Variants in NELL1 observed in about 807,000 individuals in gnomAD.
The protein encoded by NELL1 is protein kinase C-binding protein NELL1.
Under a neutral mutation model 107.4 loss-of-function variants are expected in NELL1, and 76 were observed. The observed-to-expected ratio is 0.71, with a 90% CI of 0.59 to 0.86. The LOEUF (loss-of-function observed/expected upper bound fraction) is 0.86. Ranked by LOEUF, NELL1 falls within the 40% of genes least tolerant of loss-of-function variation. The pLI is 0.00. For missense variants in NELL1, 1,024 were observed against 1,005.5 expected, an observed-to-expected ratio of 1.02 and a Z score of -0.25; for synonymous variants, 353 against 341.2, an observed-to-expected ratio of 1.03 and a Z score of -0.38.
At chr11:20,967,414 G>A (rs989390839) in intron 12 of NELL1, among the ~76,000 whole-genome samples, 37 of 152,034 alleles carry the variant, frequency 2.4e-4, no homozygotes, top group African/African-American at 8.7e-4. Flanking sequence ...GTAGCACCAC[G>A]ATCTTCATGT....
intron 2 of NELL1, among the ~76,000 whole-genome samples, chr11:20,778,607 G>T (rs1219576371): frequency 6.9e-6 from 1 of 145,598 alleles, no homozygotes; most frequent in Admixed American, 7.3e-5. Flanking sequence ...GAAAGAAAAA[G>T]CACTTCACTC....
chr11:20,767,105 T>G (rs1443794474), intron 2 of NELL1, among the ~76,000 whole-genome samples: 4 of 152,124 alleles, frequency 2.6e-5, no homozygotes, highest in Non-Finnish European at 5.9e-5. Flanking sequence ...GCCACTGTCC[T>G]GGTGTGTCTG....
chr11:21,170,490 C>G (rs895769581), intron 13 of NELL1, among the ~76,000 whole-genome samples: 1 of 151,776 alleles, frequency 6.6e-6, no homozygotes, highest in Admixed American at 6.6e-5. Context: ...GCTATTTTTC[C>G]TCCAAAAAAA....
intron 12 of NELL1, among the ~76,000 whole-genome samples, chr11:21,087,685 G>A (rs12416999): frequency 0.21 from 31,490 of 152,042 alleles, 3,434 homozygotes; most frequent in Middle Eastern, 0.32. Flanking sequence ...GAGTCCAGGC[G>A]AATTGTTTCC....
intron 12 of NELL1, among the ~76,000 whole-genome samples, chr11:21,059,840 A>T (rs1259671801): frequency 2.0e-5 from 3 of 152,218 alleles, no homozygotes; most frequent in Non-Finnish European, 4.4e-5. Context: ...AATTAAAAAA[A>T]TCAGTTCATC....
intron 13 of NELL1, among the ~76,000 whole-genome samples, chr11:21,133,319 C>T (rs1565076290): frequency 6.6e-6 from 1 of 152,074 alleles, no homozygotes; most frequent in East Asian, 1.9e-4. Flanking sequence ...GATAAAGCAC[C>T]GAAAGTTTTC....
intron 14 of NELL1, among the ~76,000 whole-genome samples, chr11:21,246,330 C>T (rs779693004): frequency 2.6e-5 from 4 of 152,072 alleles, no homozygotes; most frequent in Admixed American, 2.0e-4. Flanking sequence ...GTTTATGTAA[C>T]ACTGAAATTG....
intron 15 of NELL1, among the ~76,000 whole-genome samples, chr11:21,402,368 A>G (rs1852118803): frequency 6.6e-6 from 1 of 151,798 alleles, no homozygotes; most frequent in South Asian, 2.1e-4. Flanking sequence ...CAAGAGACCC[A>G]CCCATAATAT....
At chr11:21,220,594 T>C (rs1857730925) in intron 13 of NELL1, among the ~76,000 whole-genome samples, 1 of 152,152 alleles carries the variant, frequency 6.6e-6, no homozygotes, top group Non-Finnish European at 1.5e-5. Context: ...CTCACCTCCT[T>C]GGTTAAATTT....
intron 13 of NELL1, among the ~76,000 whole-genome samples, chr11:21,216,877 CAAGGCATGATTGTATTTTGAAATGAG>C (rs1374501912): frequency 2.0e-5 from 3 of 152,088 alleles, no homozygotes; most frequent in Admixed American, 6.6e-5. Flanking sequence ...GGACTGTTGG[CAAGGCATGATTGTATTTTGAAATGAG>C]AAGGCATGAG....
At chr11:21,008,753 A>G (rs1407134988) in intron 12 of NELL1, among the ~76,000 whole-genome samples, 1 of 152,142 alleles carries the variant, frequency 6.6e-6, no homozygotes, top group Non-Finnish European at 1.5e-5. Context: ...GGTCTGGGGC[A>G]GAGATAACTT....
intron 15 of NELL1, among the ~76,000 whole-genome samples, chr11:21,484,021 A>C: frequency 9.2e-6 from 1 of 109,254 alleles, no homozygotes; most frequent in Non-Finnish European, 1.9e-5. Flanking sequence ...ATATATATAT[A>C]TATATATATA....
intron 14 of NELL1, among the ~76,000 whole-genome samples, chr11:21,303,283 G>A (rs1018110816): frequency 6.6e-6 from 1 of 151,956 alleles, no homozygotes; most frequent in African/African-American, 2.4e-5. Flanking sequence ...TAGATAAAAT[G>A]TATACTTTAA....
chr11:21,197,619 A>T (rs561165859), intron 13 of NELL1, among the ~76,000 whole-genome samples: 24 of 152,264 alleles, frequency 1.6e-4, no homozygotes, highest in African/African-American at 5.5e-4. Flanking sequence ...TGAATACTGC[A>T]AAATTGCCCC....
At chr11:21,014,739 G>A (rs1321646249) in intron 12 of NELL1, among the ~76,000 whole-genome samples, 1 of 152,032 alleles carries the variant, frequency 6.6e-6, no homozygotes, top group Non-Finnish European at 1.5e-5. Context: ...TTGAATAAAC[G>A]AAGAATATTG....
intron 2 of NELL1, among the ~76,000 whole-genome samples, chr11:20,717,612 G>A (rs1170701243): frequency 6.6e-6 from 1 of 152,022 alleles, no homozygotes; most frequent in Non-Finnish European, 1.5e-5. Context: ...CAGCTTGTTT[G>A]TTTTTCTGTA....
intron 11 of NELL1, among the ~76,000 whole-genome samples, chr11:20,951,322 T>C (rs902374181): frequency 6.6e-6 from 1 of 152,222 alleles, no homozygotes; most frequent in Non-Finnish European, 1.5e-5. Context: ...AACTTAGTCT[T>C]ACCAAATTTT....
At chr11:21,361,431 C>T (rs971224791) in intron 14 of NELL1, among the ~76,000 whole-genome samples, 1 of 151,946 alleles carries the variant, frequency 6.6e-6, no homozygotes, top group Admixed American at 6.6e-5. Context: ...TTCCTTTGTC[C>T]TGACATTAGA....
chr11:21,094,788 C>A (rs1236997220), intron 12 of NELL1, among the ~76,000 whole-genome samples: 1 of 152,134 alleles, frequency 6.6e-6, no homozygotes, highest in Non-Finnish European at 1.5e-5. Context: ...GCACGAAGAC[C>A]CTGGGCCTGG....
Sources: allele counts gnomAD v4.1 joint callset (sites outside exome capture counted in the v4.1 genomes callset), GRCh38; gene constraint gnomAD v4.1.1; transcripts MANE v1.5; gene names NCBI Gene and HGNC (gene_info 2026-07-23, HGNC 2026-07-21).